MYO1E: variants seen among roughly 807,000 people sequenced by gnomAD.
MYO1E encodes the protein unconventional myosin-Ie.
Under a neutral mutation model 151.1 loss-of-function variants are expected in MYO1E, and 68 were observed. The ratio of observed to expected loss-of-function variants is 0.45; its 90% CI spans 0.37 to 0.55. The LOEUF (loss-of-function observed/expected upper bound fraction) is 0.55, where lower values mean the gene tolerates loss of function less well. MYO1E is among the 20% of genes least tolerant of loss of function. The probability of loss-of-function intolerance (pLI) is 0.00; values close to 1 mark genes in which losing one functional copy is unlikely to be tolerated. For missense variants in MYO1E, 1,363 were observed against 1,389.3 expected, an observed-to-expected ratio of 0.98 and a Z score of 0.30; for synonymous variants, 601 against 501.7, an observed-to-expected ratio of 1.20 and a Z score of -2.64.
intron 1 of MYO1E, among the ~76,000 whole-genome samples, chr15:59,305,717 C>T (rs2080510998): frequency 1.3e-5 from 2 of 152,196 alleles, no homozygotes; most frequent in Admixed American, 1.3e-4. Context: ...TGCTTCCTTT[C>T]CTTGAGTTAT....
rs1386079467 is a variant in MYO1E at position 59,220,155 on chromosome 15, CAA to C, written c.911-2070_911-2069del. Among the ~76,000 whole-genome samples, 3 of 152,292 alleles carry C rather than the reference CAA, an allele frequency of 2.0e-5. No individual in the cohort carries two copies. The East Asian group carries it at 5.8e-4, about 29-fold the overall frequency. On this transcript the variant is annotated intron_variant, in intron 9 of 27. Transcript: ENST00000288235. ...TTAGTCTAAGGTCAGGTAAAAAAAA[CAA>C]AGCTTGTTTGGCCAGGTGTGGTGGC...
chr15:59,259,841 G>T (rs2080215011), intron 3 of MYO1E, among the ~76,000 whole-genome samples: 1 of 152,058 alleles, frequency 6.6e-6, no homozygotes, highest in African/African-American at 2.4e-5. Context: ...CCTCCCCTGA[G>T]ACTCTCAAAG....
chr15:59,207,724 G>T, intron 14 of MYO1E: 1 of 1,614,152 alleles, frequency 6.2e-7, no homozygotes, highest in Non-Finnish European at 8.5e-7. Flanking sequence ...CCCTTTGAAG[G>T]ATCTGAACTC....
intron 1 of MYO1E, among the ~76,000 whole-genome samples, chr15:59,319,532 G>GA (rs1237488595): frequency 8.3e-6 from 1 of 120,424 alleles, no homozygotes; most frequent in African/African-American, 2.9e-5. Context: ...ACCAAGATAG[G>GA]AAAAGAAGTC....
intron 16 of MYO1E, among the ~76,000 whole-genome samples, chr15:59,198,354 C>T (rs925604360): frequency 6.6e-6 from 1 of 152,190 alleles, no homozygotes; most frequent in Non-Finnish European, 1.5e-5. Flanking sequence ...CCTCATTCTA[C>T]CTTCAACAGA....
chr15:59,204,710 T>A (rs1325285531), intron 15 of MYO1E, among the ~76,000 whole-genome samples: 6 of 152,156 alleles, frequency 3.9e-5, no homozygotes, highest in Non-Finnish European at 8.8e-5. Flanking sequence ...GATCTCTTAG[T>A]CACTCCTTCT....
At chr15:59,362,262 C>T (rs1425118134) in intron 1 of MYO1E, among the ~76,000 whole-genome samples, 1 of 152,188 alleles carries the variant, frequency 6.6e-6, no homozygotes, top group Admixed American at 6.5e-5. Flanking sequence ...TTCAGATATG[C>T]GTCTTTCTAC....
chr15:59,360,976 T>C (rs551045200), intron 1 of MYO1E, among the ~76,000 whole-genome samples: 12 of 152,330 alleles, frequency 7.9e-5, no homozygotes, highest in Admixed American at 2.6e-4. Flanking sequence ...ATGGGGATAA[T>C]AGCAAGCATG....
At chr15:59,230,214 CAGTGTGTGTTTG>C (rs1365731376) in intron 6 of MYO1E, among the ~76,000 whole-genome samples, 6 of 45,970 alleles carry the variant, frequency 1.3e-4, no homozygotes, top group Non-Finnish European at 5.0e-4. Flanking sequence ...GAGAGAGAGA[CAGTGTGTGTTTG>C]TGTGTGTGTG....
intron 1 of MYO1E, among the ~76,000 whole-genome samples, chr15:59,358,580 CCA>C (rs2080867695): frequency 6.6e-6 from 1 of 152,126 alleles, no homozygotes; most frequent in Non-Finnish European, 1.5e-5. Context: ...GAAATCTGCT[CCA>C]GAGTCCAGAT....
At chr15:59,339,076 G>A (rs373540817) in intron 1 of MYO1E, among the ~76,000 whole-genome samples, 1 of 152,246 alleles carries the variant, frequency 6.6e-6, no homozygotes. Context: ...AGGTTGCAGT[G>A]AGCCAAGATT....
At position 59,132,457 on chromosome 15, in the gene MYO1E, CTTAG is replaced by C. The variant is rs751004793; in HGVS notation, c.*4919_*4922del. On this transcript the variant is annotated 3_prime_UTR_variant, in exon 28 of 28. Coordinates refer to ENST00000288235, the MANE Select transcript of MYO1E (RefSeq NM_004998.4). ...TATAGCTTCCTTATTACATATTTTA[CTTAG>C]TTAAATATTAAATGTCCTGACTTAG... 5.3e-5 allele frequency: 8 copies of C among 152,110 alleles called. No individual in the cohort carries two copies. The East Asian group carries it at 1.2e-3, about 22-fold the overall frequency. 9.4% of individuals were successfully genotyped at this position (152,110 alleles called of 1,614,324 possible). A position where few individuals can be genotyped will look rare whatever the true frequency, so the allele number is the denominator to read the frequency against.
chr15:59,244,872 A>C (rs1408645455), intron 4 of MYO1E, among the ~76,000 whole-genome samples: 2 of 152,222 alleles, frequency 1.3e-5, no homozygotes, highest in African/African-American at 4.8e-5. Flanking sequence ...TATGGGTAAT[A>C]TATTAATTAG....
intron 18 of MYO1E, among the ~76,000 whole-genome samples, chr15:59,186,281 G>A (rs1433437771): frequency 6.6e-6 from 1 of 151,988 alleles, no homozygotes; most frequent in Non-Finnish European, 1.5e-5. Context: ...TCTAAATGGT[G>A]AGTCGGCTGT....
chr15:59,266,740 C>A (rs1319581113), intron 2 of MYO1E: 1 of 147,250 alleles, frequency 6.8e-6, no homozygotes, highest in African/African-American at 2.5e-5. Context: ...TGGCTCATTG[C>A]AAGCTCCGCC....
chr15:59,310,046 C>T (rs1431206699), intron 1 of MYO1E, among the ~76,000 whole-genome samples: 2 of 152,190 alleles, frequency 1.3e-5, no homozygotes, highest in Non-Finnish European at 2.9e-5. Flanking sequence ...CCTGCAATAG[C>T]GCCCTAACTC....
intron 5 of MYO1E, 149 bp from the exon 6 acceptor site, chr15:59,231,940 A>G: frequency 1.4e-6 from 1 of 715,228 alleles, no homozygotes; most frequent in South Asian, 1.6e-5. Context: ...TGGAGGATTT[A>G]TTCTTTCACC....
rs1301860326 is a variant in MYO1E at position 59,134,372 on chromosome 15, G to A, written c.*3008C>T. 2.6e-5 allele frequency: 4 copies of A among 152,202 alleles called. No individual in the cohort carries two copies. The highest frequency in any genetic ancestry group is 9.7e-5 in the African/African-American group (4 of 41,434). 9.4% of individuals were successfully genotyped at this position (152,202 alleles called of 1,614,324 possible). ...CTGTATTGTTTCACAAAACACTGTGGAAGAGACGGCCCTTTTGCATGTCTT... is the reference window on the plus strand; with the variant it reads ...CTGTATTGTTTCACAAAACACTGTGAAAGAGACGGCCCTTTTGCATGTCTT... On this transcript the variant is annotated 3_prime_UTR_variant, in exon 28 of 28. Coordinates refer to ENST00000288235, the MANE Select transcript of MYO1E (RefSeq NM_004998.4).
At position 59,137,233 on chromosome 15, in the gene MYO1E, G is replaced by A; in HGVS notation, c.*147C>T. 8.1e-6 allele frequency: 6 copies of A among 745,010 alleles called. No homozygotes were observed. The highest frequency in any genetic ancestry group is 1.4e-5 in the Non-Finnish European group (6 of 427,366). 46.1% of individuals were successfully genotyped at this position (745,010 alleles called of 1,614,324 possible). On this transcript the variant is annotated 3_prime_UTR_variant, in exon 28 of 28. Transcript: ENST00000288235. ...CCCTGTCCCCAACCCAGCCTTTTCA[G>A]TGTCCTCCATGGGGAAGGTACCAGA... is the stretch of plus-strand genomic sequence containing the variant.
Sources: gnomAD v4.1 joint callset for allele counts (sites outside exome capture counted in the v4.1 genomes callset) on GRCh38, gnomAD v4.1.1 for gene constraint, MANE v1.5 for transcripts, NCBI Gene and HGNC (gene_info 2026-07-23, HGNC 2026-07-21) for gene names.